Variants in IL11RA observed in about 807,000 individuals in gnomAD.
IL11RA encodes interleukin 11 receptor subunit alpha.
In IL11RA, 51 loss-of-function variants were observed where a neutral mutation model predicts 57.0. That is an observed-to-expected ratio of 0.89 (90% CI 0.71 to 1.13). The LOEUF (loss-of-function observed/expected upper bound fraction) is 1.13, where lower values mean the gene tolerates loss of function less well. Ranked by LOEUF, IL11RA falls within the 50% of genes most tolerant of loss-of-function variation. The probability of loss-of-function intolerance (pLI) is 0.00; values close to 1 mark genes in which losing one functional copy is unlikely to be tolerated. For synonymous variants in IL11RA, 199 were observed against 217.5 expected, an observed-to-expected ratio of 0.91 and a Z score of 0.75; for missense variants, 498 against 539.4, an observed-to-expected ratio of 0.92 and a Z score of 0.76.
In IL11RA at chr9:34,655,481, ATGATGCTT is replaced by A. The variant is rs1331612824; in HGVS notation, c.101-119_101-112del. 29 of 923,426 alleles carry A rather than the reference ATGATGCTT, an allele frequency of 3.1e-5. No individual in the cohort carries two copies. The East Asian group carries it at 7.4e-4, about 24-fold the overall frequency. 57.2% of individuals were successfully genotyped at this position (923,426 alleles called of 1,614,324 possible). A position where few individuals can be genotyped will look rare whatever the true frequency, so the allele number is the denominator to read the frequency against. On this transcript the variant is annotated intron_variant, in intron 2 of 12. Transcript: ENST00000441545. ...CTGACCTCTGTCTCCAGATTATAAC[ATGATGCTT>A]TGATCCAGTGAGCCCCCCACCACCC...
At chr9:34,656,661 C>T in intron 3 of IL11RA, 78 bp from the exon 4 acceptor site, 1 of 1,527,738 alleles carries the variant, frequency 6.5e-7, no homozygotes, top group Non-Finnish European at 9.1e-7. Context: ...CAGTTAGAAG[C>T]CAATGGAGAG....
rs1821436087 is a variant in IL11RA, at chr9:34,660,559, T to C, written c.1128T>C (p.Ser376=). Residue 376 remains serine (S), a synonymous_variant, in exon 11 of 13, where the codon TCT becomes TCC. Coordinates refer to ENST00000441545, the MANE Select transcript of IL11RA (RefSeq NM_001142784.3). ...VAVLASLGIL[S]FLGLVAGALA... is the part of the protein sequence containing the mutation. ...TGCTGGCGTCTTTGGGAATCCTTTC[T>C]TTCCTGGGACTGGTGGCTGGGGCCC... 1.2e-6 allele frequency: 2 copies of C among 1,614,074 alleles called. No homozygotes were observed. Among genetic ancestry groups the C allele is most frequent in the South Asian group, 1.1e-5 (1 of 91,088 alleles).
rs372781984 is a variant in IL11RA at position 34,658,745 on chromosome 9, G to A, written c.810+62G>A. The A allele has an allele frequency of 2.0e-4, 322 of 1,572,870 alleles. No homozygotes were observed. In the African/African-American group the frequency reaches 3.3e-3, roughly 16 times the overall value. On this transcript the variant is annotated intron_variant, in intron 8 of 12. Coordinates refer to ENST00000441545, the MANE Select transcript of IL11RA (RefSeq NM_001142784.3). The surrounding 1 kb of genome is among the most constrained non-coding windows in gnomAD (Gnocchi z 4.0). ...GTCCTGTCTCTGATTTCACGATCCT[G>A]GGTGTTCTGTATAGCTTTCCAGTGC...
chr9:34,658,589 G>T lies in IL11RA; in HGVS notation c.716G>T (p.Ser239Ile). ...VPGYPRRLRASWTYPASWPCQ... is the reference protein window; with the variant it reads ...VPGYPRRLRAIWTYPASWPCQ... ...GGTTACCCCCGACGCCTGCGAGCCAGCTGGACATACCCTGCCTCCTGGCCG... is the reference window on the plus strand; with the variant it reads ...GGTTACCCCCGACGCCTGCGAGCCATCTGGACATACCCTGCCTCCTGGCCG... The change falls in exon 8 of 13, where the codon AGC becomes ATC. Residue 239 changes from serine (S) to isoleucine (I), a missense_variant. Ser to Ile is a moderately radical substitution (Grantham distance 142). Transcript: ENST00000441545. This position sits in a 1 kb window ranked among gnomAD's most constrained non-coding sequence, Gnocchi z 4.0. The T allele has an allele frequency of 6.2e-7, 1 of 1,614,156 alleles. No individual in the cohort carries two copies.
chr9:34,661,389 A>C (rs1821453753), intron 12 of IL11RA, 93 bp from the exon 13 acceptor site: 1 of 1,357,894 alleles, frequency 7.4e-7, no homozygotes, highest in Admixed American at 1.7e-5. Flanking sequence ...CAGAGTGTTA[A>C]GCTTAGAACT....
chr9:34,660,516 C>G lies in IL11RA; in HGVS notation c.1085C>G (p.Ser362Cys), dbSNP rs368154084. 1 of 1,614,154 alleles carries G rather than the reference C, an allele frequency of 6.2e-7. No individual in the cohort carries two copies. Among genetic ancestry groups the G allele is most frequent in the Non-Finnish European group, 8.5e-7 (1 of 1,179,970 alleles). ...CCCTCCCCCTCAGATCACAGGGACT[C>G]TGTGGAGCAGGTAGCTGTGCTGGCG... ...PHPRLLDHRD[S>C]VEQVAVLASL... is the part of the protein sequence containing the mutation. The change falls in exon 11 of 13, where the codon TCT becomes TGT. Residue 362 changes from serine (S) to cysteine (C), a missense_variant. Ser to Cys is a moderately radical substitution (Grantham distance 112). Transcript: ENST00000441545.
Position 34,658,648 on chromosome 9 carries a change from C to T in IL11RA, c.775C>T (p.Gln259Ter). 1 of 1,613,856 alleles carries T rather than the reference C, an allele frequency of 6.2e-7. No individual in the cohort carries two copies. Among genetic ancestry groups the T allele is most frequent in the East Asian group, 2.2e-5 (1 of 44,874 alleles). ...CCACTTCCTGCTCAAGTTCCGTTTG[C>T]AGTACCGTCCGGCGCAGCATCCAGC... is the stretch of plus-strand genomic sequence containing the variant. Reference protein sequence around the residue: ...QPHFLLKFRLQYRPAQHPAWS... With the variant: ...QPHFLLKFRL Residue 259 changes from glutamine (Q) to a stop codon, truncating the protein, a stop_gained, in exon 8 of 13, where the codon CAG becomes TAG. Transcript: ENST00000441545. LOFTEE classifies it high-confidence loss of function. This position sits in a 1 kb window ranked among gnomAD's most constrained non-coding sequence, Gnocchi z 4.0.
intron 1 of IL11RA, chr9:34,654,886 G>A (rs2812355): frequency 7.6e-5 from 25 of 330,424 alleles, no homozygotes; most frequent in Non-Finnish European, 1.2e-4. Flanking sequence ...AGGGGTGGGC[G>A]CCAAGGGCAG....
intron 2 of IL11RA, 119 bp from the exon 3 acceptor site, chr9:34,655,486 G>A: frequency 7.5e-6 from 7 of 935,564 alleles, no homozygotes; most frequent in Non-Finnish European, 8.6e-6. Context: ...ATAACATGAT[G>A]CTTTGATCCA....
Position 34,652,910 on chromosome 9 carries a change from G to A in IL11RA, c.-1+677G>A, listed in dbSNP as rs187312005. On this transcript the variant is annotated intron_variant, in intron 1 of 12. Coordinates refer to ENST00000441545, the MANE Select transcript of IL11RA (RefSeq NM_001142784.3). ...CCCTGCTTGGCTCAGTTTCCCTTAC[G>A]TGCCGTTTTCTGTCCCTATTGCTGT... 2.3e-3 allele frequency among the ~76,000 whole-genome samples: 348 copies of A among 152,116 alleles called. 3 individuals are homozygous for A. The highest frequency in any genetic ancestry group is 8.0e-3 in the African/African-American group (332 of 41,470).
chr9:34,656,434 G>A (rs957556050), intron 3 of IL11RA, among the ~76,000 whole-genome samples: 4 of 152,198 alleles, frequency 2.6e-5, no homozygotes, highest in African/African-American at 9.7e-5. Context: ...ACACATTAAG[G>A]TATAAGCGCT....
Position 34,660,590 on chromosome 9 carries a change from C to A in IL11RA, c.1159C>A (p.Leu387Met), listed in dbSNP as rs749588912. 3 of 1,613,638 alleles carry A rather than the reference C, an allele frequency of 1.9e-6. No homozygotes were observed. Among genetic ancestry groups the A allele is most frequent in the Non-Finnish European group, 2.5e-6 (3 of 1,179,568 alleles). Residue 387 changes from leucine to methionine, a missense_variant, in exon 11 of 13, where the codon CTG becomes ATG. Physicochemically the swap from Leu to Met is conservative, Grantham distance 15. Transcript: ENST00000441545. Reference sequence around the variant, plus strand: ...GGGACTGGTGGCTGGGGCCCTGGCACTGGGGCTCTGGTAAGTGACTGCCAT... The same window carrying A: ...GGGACTGGTGGCTGGGGCCCTGGCAATGGGGCTCTGGTAAGTGACTGCCAT... ...FLGLVAGALA[L>M]GLWLRLRRGG...
Position 34,657,089 on chromosome 9 carries a change from C to T in IL11RA, c.386C>T (p.Ser129Phe), listed in dbSNP as rs1821359730. 1.9e-6 allele frequency: 3 copies of T among 1,614,076 alleles called. No individual in the cohort carries two copies. In the Admixed American group the frequency reaches 5.0e-5, roughly 27 times the overall value. Residue 129 changes from serine to phenylalanine, a missense_variant, in exon 5 of 13, where the codon TCT becomes TTT. Coordinates refer to ENST00000441545, the MANE Select transcript of IL11RA (RefSeq NM_001142784.3). Reference sequence around the variant, plus strand: ...CAAGCAGCCGACTATGAGAACTTCTCTTGCACTTGGAGTCCCAGCCAGATC... The same window carrying T: ...CAAGCAGCCGACTATGAGAACTTCTTTTGCACTTGGAGTCCCAGCCAGATC... Reference protein sequence around the residue: ...SCQAADYENFSCTWSPSQISG... With the variant: ...SCQAADYENFFCTWSPSQISG...
intron 2 of IL11RA, 93 bp downstream of exon 2, chr9:34,655,410 C>A (rs1047783617): frequency 3.1e-5 from 27 of 884,028 alleles, no homozygotes; most frequent in Non-Finnish European, 4.5e-5. Context: ...TGTGACACCA[C>A]CCCTGCTCCT....
At position 34,656,886 on chromosome 9, in the gene IL11RA, C is replaced by T. The variant is rs1821354175; in HGVS notation, c.309C>T (p.Gly103=). 2 of 1,614,006 alleles carry T rather than the reference C, an allele frequency of 1.2e-6. No homozygotes were observed. The highest frequency in any genetic ancestry group is 1.7e-5 in the Admixed American group (1 of 59,998). The change falls in exon 4 of 13, where the codon GGC becomes GGT. Residue 103 remains glycine (G), a synonymous_variant. Coordinates refer to ENST00000441545, the MANE Select transcript of IL11RA (RefSeq NM_001142784.3). ...AGACCCTGGATGGTGCACTTGGGGG[C>T]ACAGTGACCCTGCAGCTGGGCTGTG... ...ICQTLDGALG[G]TVTLQLGYPP...
chr9:34,658,687 A>T lies in IL11RA; in HGVS notation c.810+4A>T. 6.2e-7 allele frequency: 1 copy of T among 1,611,770 alleles called. No homozygotes were observed. ...GCAGCATCCAGCCTGGTCCACGGTGAGGCCTGGAGTGCGTCCCAACCCACG... is the reference window on the plus strand; with the variant it reads ...GCAGCATCCAGCCTGGTCCACGGTGTGGCCTGGAGTGCGTCCCAACCCACG... On this transcript the variant is annotated splice_donor_region_variant and intron_variant, in intron 8 of 12. Transcript: ENST00000441545. This position sits in a 1 kb window ranked among gnomAD's most constrained non-coding sequence, Gnocchi z 4.0.
At chr9:34,659,667 G>T (rs1180623340) in intron 8 of IL11RA, 92 bp from the exon 9 acceptor site, 3 of 1,509,204 alleles carry the variant, frequency 2.0e-6, no homozygotes, top group Non-Finnish European at 9.2e-7. Flanking sequence ...GCTTTAGGAT[G>T]AGACTGGGAG....
At position 34,661,865 on chromosome 9, in the gene IL11RA, A is replaced by G. The variant is rs1821463910; in HGVS notation, c.*367A>G. 1 of 1,539,386 alleles carries G rather than the reference A, an allele frequency of 6.5e-7. No homozygotes were observed. The highest frequency in any genetic ancestry group is 1.7e-5 in the Admixed American group (1 of 57,822). The stretch of plus-strand genomic sequence containing the variant: ...TGCAGGGGTTGTGCAGGTGTGAATA[A>G]AGAGAATAAGGAAGTTCTTGGAGAT... On this transcript the variant is annotated 3_prime_UTR_variant, in exon 13 of 13. Coordinates refer to ENST00000441545, the MANE Select transcript of IL11RA (RefSeq NM_001142784.3).
intron 5 of IL11RA, 43 bp from the exon 6 acceptor site, chr9:34,657,259 GC>G: frequency 6.2e-7 from 1 of 1,613,736 alleles, no homozygotes; most frequent in Non-Finnish European, 8.5e-7. Context: ...AGGGCAGAAG[GC>G]CCTCTTTTCC....
Sources: gnomAD v4.1 joint callset for allele counts (sites outside exome capture counted in the v4.1 genomes callset) on GRCh38, gnomAD v4.1.1 for gene constraint, Gnocchi (gnomAD v3.1) non-coding constraint, MANE v1.5 for transcripts, NCBI Gene and HGNC (gene_info 2026-07-23, HGNC 2026-07-21) for gene names.